KCNQ3: variants seen among roughly 807,000 people sequenced by gnomAD.
KCNQ3 encodes potassium voltage-gated channel subfamily KQT member 3.
A neutral mutation model predicts 92.5 loss-of-function variants in KCNQ3; 30 were observed. The ratio of observed to expected loss-of-function variants is 0.32; its 90% CI spans 0.24 to 0.44. The LOEUF is 0.44. Among genes scored for constraint, KCNQ3 ranks in the 20% least tolerant of loss-of-function variants. The pLI, the probability that KCNQ3 is intolerant of heterozygous loss-of-function variation, is 1.00. For synonymous variants in KCNQ3, 450 were observed against 468.8 expected, an observed-to-expected ratio of 0.96 and a Z score of 0.52; for missense variants, 913 against 1,140.3, an observed-to-expected ratio of 0.80 and a Z score of 2.87.
chr8:132,153,339 G>A (rs1217914716), intron 9 of KCNQ3, among the ~76,000 whole-genome samples: 1 of 152,138 alleles, frequency 6.6e-6, no homozygotes, highest in Non-Finnish European at 1.5e-5. Context: ...TTCTCTGCCT[G>A]TATGTGTCAT....
intron 1 of KCNQ3, among the ~76,000 whole-genome samples, chr8:132,387,989 AAGAG>A (rs1819937185): frequency 6.8e-6 from 1 of 148,050 alleles, no homozygotes; most frequent in Admixed American, 6.7e-5. Flanking sequence ...GAGGAAGAGG[AAGAG>A]GAAGAAGAAG....
chr8:132,298,626 G>A (rs1365194081), intron 1 of KCNQ3, among the ~76,000 whole-genome samples: 1 of 152,160 alleles, frequency 6.6e-6, no homozygotes, highest in Non-Finnish European at 1.5e-5. Context: ...ACATGTACTC[G>A]GCCGGGCACA....
intron 1 of KCNQ3, among the ~76,000 whole-genome samples, chr8:132,320,302 T>C (rs1361426657): frequency 1.3e-5 from 2 of 152,210 alleles, no homozygotes; most frequent in East Asian, 3.9e-4. Flanking sequence ...AGTTTATCCA[T>C]CTGTGAAATG....
At chr8:132,319,545 T>A (rs1243178869) in intron 1 of KCNQ3, among the ~76,000 whole-genome samples, 1 of 152,216 alleles carries the variant, frequency 6.6e-6, no homozygotes, top group East Asian at 1.9e-4. Flanking sequence ...TTCTCAATTA[T>A]CTGAGACAGG....
chr8:132,131,542 C>T (rs1382909430), intron 14 of KCNQ3, among the ~76,000 whole-genome samples: 11 of 152,084 alleles, frequency 7.2e-5, no homozygotes, highest in Non-Finnish European at 4.4e-5. Flanking sequence ...TAAGGGTTCA[C>T]CATGAAATGC....
intron 1 of KCNQ3, among the ~76,000 whole-genome samples, chr8:132,248,351 T>C (rs1025864637): frequency 2.0e-5 from 3 of 150,880 alleles, no homozygotes; most frequent in African/African-American, 7.3e-5. Context: ...TATATATATA[T>C]ATATATGATG....
intron 1 of KCNQ3, among the ~76,000 whole-genome samples, chr8:132,203,132 G>A (rs750863883): frequency 2.0e-5 from 3 of 152,078 alleles, no homozygotes; most frequent in Admixed American, 6.5e-5. Context: ...TAACAAACCC[G>A]CTCTCAGGAG....
rs540893870 is a variant in KCNQ3 at position 132,441,496 on chromosome 8, G to A, written c.386+38651C>T. On this transcript the variant is annotated intron_variant, in intron 1 of 14. Transcript: ENST00000388996. ...GTGAACCCGGAAGGCAGAGCTTGCC[G>A]TGAGCCGAGATCGCACCACTGCACT... Among the ~76,000 whole-genome samples, 58 of 152,310 alleles carry A rather than the reference G, an allele frequency of 3.8e-4. No individual in the cohort carries two copies. The South Asian group carries it at 0.011, about 28-fold the overall frequency.
chr8:132,361,127 G>C (rs1819155997), intron 1 of KCNQ3, among the ~76,000 whole-genome samples: 1 of 152,182 alleles, frequency 6.6e-6, no homozygotes, highest in Non-Finnish European at 1.5e-5. Context: ...ACATATCAAT[G>C]AGGTTACTGA....
chr8:132,455,683 T>G (rs1017076193), intron 1 of KCNQ3, among the ~76,000 whole-genome samples: 20 of 152,248 alleles, frequency 1.3e-4, no homozygotes, highest in African/African-American at 4.8e-4. Context: ...TGTCCATGTG[T>G]TCCATCTGCA....
chr8:132,283,770 T>C (rs561402947), intron 1 of KCNQ3, among the ~76,000 whole-genome samples: 1 of 152,376 alleles, frequency 6.6e-6, no homozygotes, highest in African/African-American at 2.4e-5. Flanking sequence ...ACACACTTAG[T>C]TCTATAAAAT....
At chr8:132,450,354 C>T (rs1394018488) in intron 1 of KCNQ3, among the ~76,000 whole-genome samples, 1 of 152,134 alleles carries the variant, frequency 6.6e-6, no homozygotes, top group Non-Finnish European at 1.5e-5. Flanking sequence ...ATTTTACAAA[C>T]CTCTAGCTAG....
chr8:132,158,892 G>C (rs1195191226), intron 9 of KCNQ3, among the ~76,000 whole-genome samples: 1 of 152,174 alleles, frequency 6.6e-6, no homozygotes, highest in African/African-American at 2.4e-5. Context: ...CATCACATAG[G>C]AAATAAAGAT....
intron 1 of KCNQ3, among the ~76,000 whole-genome samples, chr8:132,408,983 C>T (rs1450371798): frequency 6.6e-6 from 1 of 152,184 alleles, no homozygotes; most frequent in Non-Finnish European, 1.5e-5. Context: ...ACAGCTATAC[C>T]ATGTGAGGAC....
intron 1 of KCNQ3, among the ~76,000 whole-genome samples, chr8:132,343,508 C>G (rs1363416292): frequency 6.6e-6 from 1 of 152,144 alleles, no homozygotes; most frequent in Non-Finnish European, 1.5e-5. Context: ...CTGGCAGAGG[C>G]TGGAGAAGAC....
At chr8:132,155,435 G>C (rs903716407) in intron 9 of KCNQ3, among the ~76,000 whole-genome samples, 1 of 152,106 alleles carries the variant, frequency 6.6e-6, no homozygotes, top group African/African-American at 2.4e-5. Flanking sequence ...CTGGAAATAT[G>C]GTTGCAAATC....
chr8:132,152,271 C>CA lies in KCNQ3; in HGVS notation c.1263-10941dup, dbSNP rs1225301266. The stretch of plus-strand genomic sequence containing the variant: ...CTAACCGAATGAACTCACAGAAAAC[C>CA]AAAGCAATCTTTTTGACTTTTGCTT... On this transcript the variant is annotated intron_variant, in intron 9 of 14. Coordinates refer to ENST00000388996, the MANE Select transcript of KCNQ3 (RefSeq NM_004519.4). Among the ~76,000 whole-genome samples the CA allele has an allele frequency of 2.0e-5, 3 of 152,068 alleles. No homozygotes were observed. In the East Asian group the frequency reaches 5.8e-4, roughly 29 times the overall value.
At chr8:132,478,889 C>T (rs1477963703) in intron 1 of KCNQ3, among the ~76,000 whole-genome samples, 1 of 151,948 alleles carries the variant, frequency 6.6e-6, no homozygotes, top group Non-Finnish European at 1.5e-5. Context: ...AACTCCAAGG[C>T]TCCTGAGCCC....
chr8:132,438,332 C>T (rs1040332584), intron 1 of KCNQ3, among the ~76,000 whole-genome samples: 1 of 152,116 alleles, frequency 6.6e-6, no homozygotes, highest in Non-Finnish European at 1.5e-5. Context: ...AGCTCCTGGG[C>T]TGCTTCCAAA....
Sources: allele counts gnomAD v4.1 joint callset (sites outside exome capture counted in the v4.1 genomes callset), GRCh38; gene constraint gnomAD v4.1.1; transcripts MANE v1.5; gene names NCBI Gene and HGNC (gene_info 2026-07-23, HGNC 2026-07-21).